Variants in RBFOX1 observed in about 807,000 individuals in gnomAD.
RBFOX1 encodes RNA binding fox-1 homolog 1, also known as RNA binding protein fox-1 homolog 1.
Under a neutral mutation model 57.7 loss-of-function variants are expected in RBFOX1, and 8 were observed. The observed-to-expected ratio is 0.14, with a 90% CI of 0.08 to 0.25. RBFOX1 has a LOEUF of 0.25. RBFOX1 is among the 10% of genes least tolerant of loss of function. The pLI is 1.00. For missense variants in RBFOX1, 611 were observed against 548.5 expected (o/e 1.11, Z -1.14); for synonymous variants, 326 against 222.4 (o/e 1.47, Z -4.15).
At chr16:6,393,593 G>A (rs1231971925) in intron 2 of RBFOX1, among the ~76,000 whole-genome samples, 1 of 152,024 alleles carries the variant, frequency 6.6e-6, no homozygotes, top group East Asian at 1.9e-4. Flanking sequence ...TCAATCTTGG[G>A]GTATCTCCCC....
intron 2 of RBFOX1, among the ~76,000 whole-genome samples, chr16:5,580,603 C>T (rs2046632831): frequency 6.6e-6 from 1 of 152,198 alleles, no homozygotes; most frequent in Non-Finnish European, 1.5e-5. Context: ...TGTGAGGCTT[C>T]AGCCTTCAAA....
At chr16:6,005,554 G>T (rs1484687441) in intron 4 of RBFOX1, among the ~76,000 whole-genome samples, 1 of 152,186 alleles carries the variant, frequency 6.6e-6, no homozygotes, top group African/African-American at 2.4e-5. Flanking sequence ...TCTGAGCTGG[G>T]TCATTCTTTG....
intron 4 of RBFOX1, among the ~76,000 whole-genome samples, chr16:7,345,169 C>A (rs2096971981): frequency 6.6e-6 from 1 of 152,188 alleles, no homozygotes; most frequent in Non-Finnish European, 1.5e-5. Flanking sequence ...AGCAACGTTA[C>A]CAACACACAT....
chr16:7,137,180 A>C (rs2072261317), intron 4 of RBFOX1, among the ~76,000 whole-genome samples: 1 of 152,326 alleles, frequency 6.6e-6, no homozygotes, highest in East Asian at 1.9e-4. Flanking sequence ...TGCAAAGTCT[A>C]ATCTTTACTG....
chr16:7,251,871 A>G (rs1418280514), intron 4 of RBFOX1, among the ~76,000 whole-genome samples: 2 of 152,226 alleles, frequency 1.3e-5, no homozygotes, highest in African/African-American at 2.4e-5. Context: ...TTGCTGGAGC[A>G]TATGGTAGTT....
intron 1 of RBFOX1, among the ~76,000 whole-genome samples, chr16:5,424,790 C>T (rs1259709918): frequency 6.6e-6 from 1 of 151,824 alleles, no homozygotes; most frequent in African/African-American, 2.4e-5. Context: ...GTAGGAAGTC[C>T]AGGCTCATGG....
At chr16:6,704,215 G>C (rs1051938968) in intron 3 of RBFOX1, 1 of 152,204 alleles carries the variant, frequency 6.6e-6, no homozygotes, top group Admixed American at 6.5e-5. Flanking sequence ...TTAAAAACCT[G>C]CCTAACTTTC....
chr16:7,604,339 C>T (rs771424484), intron 9 of RBFOX1, among the ~76,000 whole-genome samples: 1 of 152,156 alleles, frequency 6.6e-6, no homozygotes, highest in East Asian at 1.9e-4. Context: ...AGGTTGACAC[C>T]TGCACTCATG....
intron 2 of RBFOX1, among the ~76,000 whole-genome samples, chr16:5,593,065 A>G (rs917347626): frequency 1.3e-5 from 2 of 152,192 alleles, no homozygotes; most frequent in African/African-American, 2.4e-5. Context: ...TGCTTATAAA[A>G]CAATAGCAAA....
intron 7 of RBFOX1, among the ~76,000 whole-genome samples, chr16:7,592,985 T>TC (rs1567995033): frequency 6.6e-6 from 1 of 151,598 alleles, no homozygotes; most frequent in African/African-American, 2.4e-5. Flanking sequence ...CTGGCTTTTT[T>TC]TTTTTTTTTG....
Position 7,144,855 on chromosome 16 carries a change from A to T in RBFOX1, c.27+92757A>T, listed in dbSNP as rs74009250. Among the ~76,000 whole-genome samples, 1,178 of 152,286 alleles carry T rather than the reference A, an allele frequency of 7.7e-3. 19 individuals are homozygous for T. Among genetic ancestry groups the T allele is most frequent in the African/African-American group, 0.027 (1,114 of 41,554 alleles). ...GAGAAGGTGATTGCTGAAGGTTGCC[A>T]TTTAGCAGTATTGGGTTTGTGTCTC... is the stretch of plus-strand genomic sequence containing the variant. On this transcript the variant is annotated intron_variant, in intron 4 of 15. Transcript: ENST00000550418.
intron 3 of RBFOX1, among the ~76,000 whole-genome samples, chr16:6,702,313 G>A (rs2061978713): frequency 6.6e-6 from 1 of 152,146 alleles, no homozygotes; most frequent in South Asian, 2.1e-4. Context: ...CAGTACTTTG[G>A]AAGGCCGAGG....
chr16:7,699,450 C>T (rs2079923831), intron 14 of RBFOX1, among the ~76,000 whole-genome samples: 1 of 152,174 alleles, frequency 6.6e-6, no homozygotes, highest in African/African-American at 2.4e-5. Flanking sequence ...CTTTGGCCTA[C>T]CAAAGTCCTG....
intron 2 of RBFOX1, among the ~76,000 whole-genome samples, chr16:6,451,128 A>C (rs1053610021): frequency 6.6e-6 from 1 of 151,320 alleles, no homozygotes; most frequent in African/African-American, 2.4e-5. Context: ...TTTCAATTCA[A>C]CACAGTATTC....
chr16:6,629,938 C>T (rs1445821621), intron 2 of RBFOX1, among the ~76,000 whole-genome samples: 3 of 143,160 alleles, frequency 2.1e-5, no homozygotes, highest in Non-Finnish European at 4.5e-5. Flanking sequence ...GCTAATTTTA[C>T]ATTTGGCCTT....
chr16:7,233,847 C>T (rs1043354795), intron 4 of RBFOX1, among the ~76,000 whole-genome samples: 3 of 152,180 alleles, frequency 2.0e-5, no homozygotes, highest in African/African-American at 7.2e-5. Context: ...TAATTGACAA[C>T]AAGGTTTATT....
intron 3 of RBFOX1, among the ~76,000 whole-genome samples, chr16:5,804,260 G>A (rs1179467505): frequency 1.3e-5 from 2 of 152,176 alleles, no homozygotes; most frequent in African/African-American, 2.4e-5. Context: ...TTGGATAGGT[G>A]GATAGATGGG....
intron 4 of RBFOX1, among the ~76,000 whole-genome samples, chr16:7,305,747 T>A (rs1406908931): frequency 6.6e-6 from 1 of 152,240 alleles, no homozygotes; most frequent in Non-Finnish European, 1.5e-5. Context: ...TATTTTCTGT[T>A]GCATGTCTTT....
intron 3 of RBFOX1, among the ~76,000 whole-genome samples, chr16:5,730,642 C>G (rs74589448): frequency 0.16 from 24,139 of 151,912 alleles, 2,431 homozygotes; most frequent in East Asian, 0.34. Context: ...TCATCACTAC[C>G]ACACCACCAC....
Sources: gnomAD v4.1 joint callset for allele counts (sites outside exome capture counted in the v4.1 genomes callset) on GRCh38, gnomAD v4.1.1 for gene constraint, MANE v1.5 for transcripts, NCBI Gene and HGNC (gene_info 2026-07-23, HGNC 2026-07-21) for gene names.